The following SPATS2 variants were observed in gnomAD, a reference collection of about 807,000 sequenced individuals.
The protein encoded by SPATS2 is spermatogenesis associated serine rich 2.
A neutral mutation model predicts 63.7 loss-of-function variants in SPATS2; 38 were observed. The observed-to-expected ratio is 0.60, with a 90% CI of 0.46 to 0.78. SPATS2 has a LOEUF of 0.78. SPATS2 is among the 30% of genes least tolerant of loss of function. SPATS2 has a pLI of 0.00. For synonymous variants in SPATS2, 207 were observed against 232.9 expected (o/e 0.89, Z 1.01); for missense variants, 588 against 666.2 (o/e 0.88, Z 1.29).
chr12:49,370,526 T>C (rs892456763), intron 1 of SPATS2, among the ~76,000 whole-genome samples: 4 of 152,220 alleles, frequency 2.6e-5, no homozygotes, highest in Non-Finnish European at 5.9e-5. Context: ...GAAAATAGCA[T>C]GTCCATCCCT....
At chr12:49,494,173 G>A (rs558392271) in intron 6 of SPATS2, among the ~76,000 whole-genome samples, 1 of 152,286 alleles carries the variant, frequency 6.6e-6, no homozygotes, top group South Asian at 2.1e-4. Flanking sequence ...GTCATGGAGA[G>A]TACCACTTTG....
intron 2 of SPATS2, among the ~76,000 whole-genome samples, chr12:49,398,135 C>CA (rs71080193): frequency 0.15 from 6,808 of 45,222 alleles, 1,124 homozygotes; most frequent in Middle Eastern, 0.2. Context: ...GACCCTGTCT[C>CA]AAAAAAAAAA....
In SPATS2 at chr12:49,519,099, A is replaced by T; in HGVS notation, c.925A>T (p.Lys309Ter). ...AMEILLSRQK[K>*]AELLKKMTHV... ...GGAAATTTTGCTCAGCCGACAAAAGAAGGCTGAACTTCTAAAGAAGATGAC... is the reference window on the plus strand; with the variant it reads ...GGAAATTTTGCTCAGCCGACAAAAGTAGGCTGAACTTCTAAAGAAGATGAC... The change falls in exon 11 of 14, where the codon AAG becomes TAG. Residue 309 changes from lysine to a stop codon, truncating the protein, a stop_gained. Coordinates refer to ENST00000552918, the MANE Select transcript of SPATS2 (RefSeq NM_023071.4). LOFTEE classifies it high-confidence loss of function. 6.2e-7 allele frequency: 1 copy of T among 1,613,996 alleles called. No homozygotes were observed. The highest frequency in any genetic ancestry group is 8.5e-7 in the Non-Finnish European group (1 of 1,179,936).
chr12:49,373,065 C>T (rs565819900), intron 2 of SPATS2, among the ~76,000 whole-genome samples: 1 of 150,844 alleles, frequency 6.6e-6, no homozygotes, highest in Non-Finnish European at 1.5e-5. Flanking sequence ...CTCCACCTCT[C>T]GGGTTCAAGC....
chr12:49,509,228 A>T (rs1265612640), intron 9 of SPATS2, among the ~76,000 whole-genome samples: 1 of 151,728 alleles, frequency 6.6e-6, no homozygotes, highest in Non-Finnish European at 1.5e-5. Context: ...ACTCCATTGA[A>T]AGCCTGTCAC....
chr12:49,456,407 A>G (rs1013449365), intron 2 of SPATS2, among the ~76,000 whole-genome samples: 1 of 152,246 alleles, frequency 6.6e-6, no homozygotes, highest in African/African-American at 2.4e-5. Flanking sequence ...GGGATGATAA[A>G]GAGGCCAGTG....
intron 1 of SPATS2, among the ~76,000 whole-genome samples, chr12:49,370,721 A>C (rs940499484): frequency 1.3e-5 from 2 of 152,154 alleles, no homozygotes; most frequent in Admixed American, 6.5e-5. Flanking sequence ...CCAGGGCTTA[A>C]AAGATCTTCC....
chr12:49,513,023 A>C, intron 9 of SPATS2: 1 of 725,256 alleles, frequency 1.4e-6, no homozygotes, highest in South Asian at 1.6e-5. Flanking sequence ...AAGTCTGTTT[A>C]TTAACATCAT....
intron 9 of SPATS2, among the ~76,000 whole-genome samples, chr12:49,504,736 T>G (rs1035305093): frequency 0.017 from 9 of 516 alleles, no homozygotes; most frequent in African/African-American, 0.027. Flanking sequence ...ATTGGCGCGT[T>G]TTTTTTTTTC....
In SPATS2 at chr12:49,526,139, G is replaced by A; in HGVS notation, c.1522G>A (p.Ala508Thr). ...NTIERGQTHS[A>T]GTNGTGVSME... ...CATTGAAAGAGGCCAGACTCACTCT[G>A]CAGGGACCAATGGAACTGGAGTCAG... The change falls in exon 14 of 14, where the codon GCA (alanine) becomes ACA (threonine). Residue 508 changes from alanine to threonine, a missense_variant. Coordinates refer to ENST00000552918, the MANE Select transcript of SPATS2 (RefSeq NM_023071.4). The A allele has an allele frequency of 6.2e-7, 1 of 1,614,184 alleles. No homozygotes were observed. The highest frequency in any genetic ancestry group is 8.5e-7 in the Non-Finnish European group (1 of 1,180,042).
At chr12:49,389,364 C>T (rs1944378824) in intron 2 of SPATS2, among the ~76,000 whole-genome samples, 1 of 152,218 alleles carries the variant, frequency 6.6e-6, no homozygotes, top group South Asian at 2.1e-4. Context: ...TCCGCTGCCT[C>T]CGTCTGGTTC....
chr12:49,502,671 G>A (rs1480864592), intron 9 of SPATS2, among the ~76,000 whole-genome samples: 1 of 152,134 alleles, frequency 6.6e-6, no homozygotes, highest in Non-Finnish European at 1.5e-5. Context: ...TGCCCAGGCT[G>A]GTCTCCAATT....
At chr12:49,432,680 G>A (rs1175572299) in intron 2 of SPATS2, among the ~76,000 whole-genome samples, 1 of 152,120 alleles carries the variant, frequency 6.6e-6, no homozygotes, top group Non-Finnish European at 1.5e-5. Flanking sequence ...TACAGTTTTT[G>A]TCTTTTTGCA....
rs1426948661 is a variant in SPATS2 at position 49,526,919 on chromosome 12, G to A, written c.*664G>A. 1 of 151,346 alleles carries A rather than the reference G, an allele frequency of 6.6e-6. No homozygotes were observed. Among genetic ancestry groups the A allele is most frequent in the Non-Finnish European group, 1.5e-5 (1 of 67,884 alleles). The allele number at this position is 151,346 out of a possible 1,614,324, so 9.4% of individuals were successfully genotyped here. On this transcript the variant is annotated 3_prime_UTR_variant, in exon 14 of 14. Transcript: ENST00000552918. ...GTCTAGGGAAGTCTATGAGAAAGTA[G>A]CATTTAATTAAAGTTTAAAAAAAAA...
At chr12:49,465,484 CATTTAT>C (rs1945896311) in intron 3 of SPATS2, among the ~76,000 whole-genome samples, 1 of 152,000 alleles carries the variant, frequency 6.6e-6, no homozygotes, top group Middle Eastern at 3.4e-3. Flanking sequence ...GATTATTAGC[CATTTAT>C]ATTTTTTTTG....
In SPATS2 at chr12:49,389,813, T is replaced by TA. The variant is rs757607886; in HGVS notation, c.-244+18524dup. On this transcript the variant is annotated intron_variant, in intron 2 of 13. Transcript: ENST00000552918. Reference sequence around the variant, plus strand: ...AAGAACATCAGTCGGCCTTGGAACTTACGATGAGCAAGTATCGAGAACAAA... The same window carrying TA: ...AAGAACATCAGTCGGCCTTGGAACTTAACGATGAGCAAGTATCGAGAACAAA... The TA allele has an allele frequency of 7.5e-4, 733 of 976,202 alleles. 8 individuals carry two copies. Among genetic ancestry groups the TA allele is most frequent in the Admixed American group, 1.5e-4 (9 of 58,900 alleles). 60.5% of individuals were successfully genotyped at this position (976,202 alleles called of 1,614,324 possible). A position where few individuals can be genotyped will look rare whatever the true frequency, so the allele number is the denominator to read the frequency against.
chr12:49,441,266 C>A (rs1253447279), intron 2 of SPATS2, among the ~76,000 whole-genome samples: 1 of 152,068 alleles, frequency 6.6e-6, no homozygotes, highest in Non-Finnish European at 1.5e-5. Context: ...TACCTCTTTC[C>A]TAAGTTAATT....
At chr12:49,384,321 A>G (rs115977383) in intron 2 of SPATS2, among the ~76,000 whole-genome samples, 1,910 of 152,256 alleles carry the variant, frequency 0.013, 42 homozygotes, top group African/African-American at 0.037. Context: ...TAGGCAGATG[A>G]TGCTTTTTCT....
intron 2 of SPATS2, chr12:49,454,196 A>G (rs1176147455): frequency 1.3e-5 from 2 of 152,220 alleles, no homozygotes; most frequent in African/African-American, 4.8e-5. Flanking sequence ...CTAACCAGAC[A>G]TTCGAACTTC....
Sources: allele counts gnomAD v4.1 joint callset (sites outside exome capture counted in the v4.1 genomes callset), GRCh38; gene constraint gnomAD v4.1.1; transcripts MANE v1.5; gene names NCBI Gene and HGNC (gene_info 2026-07-23, HGNC 2026-07-21).